Variants in LRRC53 observed in about 807,000 individuals in gnomAD.
LRRC53 encodes leucine-rich repeat-containing protein 53.
In LRRC53, 25 loss-of-function variants were observed where a neutral mutation model predicts 13.6. That is an observed-to-expected ratio of 1.83 (90% CI 1.34 to 2.56). The LOEUF is 2.56. LRRC53 is among the 30% of genes most tolerant of loss of function. LRRC53 has a pLI of 0.00. For synonymous variants in LRRC53, 204 were observed against 109.8 expected (o/e 1.86, Z -5.37); for missense variants, 527 against 275.8 (o/e 1.91, Z -6.45).
Position 74,480,143 on chromosome 1 carries a change from C to G in LRRC53, c.904+10G>C, listed in dbSNP as rs937658541. The G allele has an allele frequency of 2.8e-6, 2 of 711,382 alleles. No homozygotes were observed. The highest frequency in any genetic ancestry group is 1.8e-5 in the African/African-American group (1 of 57,074). The allele number at this position is 711,382 out of a possible 1,614,324, so 44.1% of individuals were successfully genotyped here. ...GAGAAAAGAGGAGGGCACACTTCTC[C>G]CCGGCATACCTGCGAAGCCAAGGAC... On this transcript the variant is annotated intron_variant, in intron 3 of 4. Transcript: ENST00000294635.
chr1:74,480,787 G>T lies in LRRC53; in HGVS notation c.270C>A (p.His90Gln). 1 of 717,580 alleles carries T rather than the reference G, an allele frequency of 1.4e-6. No individual in the cohort carries two copies. Among genetic ancestry groups the T allele is most frequent in the Non-Finnish European group, 2.6e-6 (1 of 385,108 alleles). The allele number at this position is 717,580 out of a possible 1,614,324, so 44.5% of individuals were successfully genotyped here. A position where few individuals can be genotyped will look rare whatever the true frequency, so the allele number is the denominator to read the frequency against. Residue 90 changes from histidine (H) to glutamine (Q), a missense_variant, in exon 3 of 5, where the codon CAC becomes CAA. Physicochemically the swap from His to Gln is conservative, Grantham distance 24 (BLOSUM62 0). Coordinates refer to ENST00000294635, the MANE Select transcript of LRRC53 (RefSeq NM_001382280.1). Reference sequence around the variant, plus strand: ...TGAGCGAAGAGCTGGATATTTGGTTGTGCTCCAGCAACAAGGTCCGCAACA... The same window carrying T: ...TGAGCGAAGAGCTGGATATTTGGTTTTGCTCCAGCAACAAGGTCCGCAACA... ...LTMLRTLLLE[H>Q]NQISSSSLTD... is the part of the protein sequence containing the mutation.
intron 1 of LRRC53, among the ~76,000 whole-genome samples, chr1:74,499,451 G>C (rs536153617): frequency 2.2e-4 from 34 of 152,248 alleles, no homozygotes; most frequent in African/African-American, 7.7e-4. Context: ...TTTTATTAAA[G>C]TATGTTGTTG....
the LRRC53 span, among the ~76,000 whole-genome samples, chr1:74,523,512 TAA>T: frequency 1.3e-5 from 2 of 151,410 alleles, no homozygotes; most frequent in South Asian, 4.2e-4. Flanking sequence ...GAGACTCACT[TAA>T]AAAAAAAGGC....
At chr1:74,522,685 G>A in the LRRC53 span, among the ~76,000 whole-genome samples, 1 of 151,870 alleles carries the variant, frequency 6.6e-6, no homozygotes, top group African/African-American at 2.4e-5. Flanking sequence ...AGAGAGAAAT[G>A]CCCCAGGAAG....
intron 1 of LRRC53, among the ~76,000 whole-genome samples, chr1:74,508,353 G>A (rs1670012546): frequency 1.3e-5 from 2 of 152,144 alleles, no homozygotes; most frequent in African/African-American, 2.4e-5. Flanking sequence ...ACAGGCTATG[G>A]TACTTTAAAT....
chr1:74,487,633 G>A (rs1464081213), intron 1 of LRRC53, among the ~76,000 whole-genome samples: 1 of 152,112 alleles, frequency 6.6e-6, no homozygotes, highest in Non-Finnish European at 1.5e-5. Context: ...GAAATATAAG[G>A]TAAAGGGAAA....
At chr1:74,481,033 G>T in intron 2 of LRRC53, 65 bp from the exon 3 acceptor site, 1 of 636,374 alleles carries the variant, frequency 1.6e-6, no homozygotes, top group South Asian at 1.8e-5. Context: ...GGGTATGGTG[G>T]AGAGCAGAGA....
the LRRC53 span, among the ~76,000 whole-genome samples, chr1:74,528,652 G>A: frequency 2.0e-5 from 3 of 152,206 alleles, no homozygotes; most frequent in South Asian, 6.2e-4. Flanking sequence ...CTGTTGGTTG[G>A]TTTGGAACTG....
At chr1:74,509,708 A>G (rs1253473990) in intron 1 of LRRC53, among the ~76,000 whole-genome samples, 2 of 141,290 alleles carry the variant, frequency 1.4e-5, no homozygotes, top group East Asian at 2.1e-4. Flanking sequence ...TTTGAAAGGT[A>G]CCTATGAACT....
intron 1 of LRRC53, among the ~76,000 whole-genome samples, chr1:74,495,140 T>C (rs907884661): frequency 6.6e-6 from 1 of 152,242 alleles, no homozygotes; most frequent in Non-Finnish European, 1.5e-5. Flanking sequence ...CTGACTGTTA[T>C]GGAACTCTGA....
At chr1:74,500,047 A>C (rs1327352097) in intron 1 of LRRC53, among the ~76,000 whole-genome samples, 1 of 151,732 alleles carries the variant, frequency 6.6e-6, no homozygotes, top group Non-Finnish European at 1.5e-5. Context: ...CAGAAGCTTT[A>C]ATATATTATT....
chr1:74,491,155 C>T (rs548219144), intron 1 of LRRC53, among the ~76,000 whole-genome samples: 18 of 152,196 alleles, frequency 1.2e-4, no homozygotes, highest in African/African-American at 1.7e-4. Context: ...ACATGAAAAC[C>T]GGTTGAAGGA....
In LRRC53 at chr1:74,475,116, C is replaced by CCACACACACACA. The variant is rs3058791; in HGVS notation, c.1420+167_1420+178dup. On this transcript the variant is annotated intron_variant, in intron 4 of 4. Transcript: ENST00000294635. ...AAGAACACTTCATCTCCACCTCAGC[C>CCACACACACACA]CACACACACACACACACACACACAC... Among the ~76,000 whole-genome samples, 462 of 135,978 alleles carry CCACACACACACA rather than the reference C, an allele frequency of 3.4e-3. 2 individuals carry two copies. Among genetic ancestry groups the CCACACACACACA allele is most frequent in the East Asian group, 0.02 (90 of 4,396 alleles). The allele number at this position is 135,978 out of a possible 152,430, so 89.2% of individuals were successfully genotyped here.
At chr1:74,531,142 G>A in the LRRC53 span, among the ~76,000 whole-genome samples, 1 of 152,148 alleles carries the variant, frequency 6.6e-6, no homozygotes, top group Non-Finnish European at 1.5e-5. Context: ...AAAGAAAACT[G>A]ATGGGTTTGA....
intron 1 of LRRC53, among the ~76,000 whole-genome samples, chr1:74,511,555 G>A (rs1394441209): frequency 1.3e-5 from 2 of 151,948 alleles, no homozygotes; most frequent in East Asian, 1.9e-4. Flanking sequence ...AATTCCATTG[G>A]ATATGCATTT....
intron 2 of LRRC53, 127 bp from the exon 3 acceptor site, chr1:74,481,095 C>T (rs1215398182): frequency 1.7e-6 from 1 of 572,726 alleles, no homozygotes; most frequent in African/African-American, 1.9e-5. Context: ...ATAAACAATA[C>T]AAAAAATGAA....
In LRRC53 at chr1:74,471,491, T is replaced by A. The variant is rs938998899; in HGVS notation, c.2131A>T (p.Lys711Ter). The stretch of plus-strand genomic sequence containing the variant: ...AATTTTAAGTTTTGTCCTTTAATTT[T>A]CCCTTTGAGGTCAGACTGAGGGGTT... ...KRTPQSDLKG[K>*]IKGQNLKLNL... The change falls in exon 5 of 5, where the codon AAA becomes TAA. Residue 711 changes from lysine to a stop codon, truncating the protein, a stop_gained. Transcript: ENST00000294635. LOFTEE classifies it low-confidence loss of function (END_TRUNC). The A allele has an allele frequency of 2.5e-6, 1 of 400,526 alleles. No homozygotes were observed. Among genetic ancestry groups the A allele is most frequent in the African/African-American group, 2.1e-5 (1 of 48,690 alleles). 24.8% of individuals were successfully genotyped at this position (400,526 alleles called of 1,614,324 possible).
chr1:74,486,578 A>G (rs1047624389), intron 1 of LRRC53, among the ~76,000 whole-genome samples: 3 of 150,072 alleles, frequency 2.0e-5, no homozygotes, highest in Non-Finnish European at 4.4e-5. Flanking sequence ...GGCTATAAAT[A>G]TAATTAATTG....
At chr1:74,529,397 T>C in the LRRC53 span, among the ~76,000 whole-genome samples, 1 of 152,156 alleles carries the variant, frequency 6.6e-6, no homozygotes, top group East Asian at 1.9e-4. Context: ...TTTTGCAAAA[T>C]TACTGGCTTG....
Sources: gnomAD v4.1 joint callset for allele counts (sites outside exome capture counted in the v4.1 genomes callset) on GRCh38, gnomAD v4.1.1 for gene constraint, MANE v1.5 for transcripts, NCBI Gene and HGNC (gene_info 2026-07-23, HGNC 2026-07-21) for gene names.